Variants in HUNK observed in about 807,000 individuals in gnomAD.
HUNK encodes hormonally up-regulated neu tumor-associated kinase.
Under a neutral mutation model 61.0 loss-of-function variants are expected in HUNK, and 21 were observed. That is an observed-to-expected ratio of 0.34 (90% CI 0.24 to 0.50). The LOEUF (loss-of-function observed/expected upper bound fraction) is 0.50, where lower values mean the gene tolerates loss of function less well. HUNK is among the 20% of genes least tolerant of loss of function. The pLI is 0.98. For synonymous variants in HUNK, 371 were observed against 386.1 expected, an observed-to-expected ratio of 0.96 and a Z score of 0.46; for missense variants, 772 against 945.7, an observed-to-expected ratio of 0.82 and a Z score of 2.41.
chr21:31,941,102 T>C (rs2052765696), intron 3 of HUNK, among the ~76,000 whole-genome samples: 1 of 152,158 alleles, frequency 6.6e-6, no homozygotes, highest in South Asian at 2.1e-4. Flanking sequence ...TATTTTGGGA[T>C]TACAGTCAGC....
At chr21:31,950,114 GT>G (rs956541545) in intron 4 of HUNK, among the ~76,000 whole-genome samples, 1 of 152,132 alleles carries the variant, frequency 6.6e-6, no homozygotes, top group Non-Finnish European at 1.5e-5. Flanking sequence ...CTCTGGTGGG[GT>G]TTACATGCTA....
intron 3 of HUNK, among the ~76,000 whole-genome samples, chr21:31,944,157 G>C (rs563854325): frequency 2.1e-4 from 32 of 152,336 alleles, no homozygotes; most frequent in African/African-American, 7.7e-4. Flanking sequence ...TTGGCTCACT[G>C]CAACTTTTGC....
chr21:31,961,187 C>CT (rs1212010039), intron 5 of HUNK, among the ~76,000 whole-genome samples: 7 of 152,002 alleles, frequency 4.6e-5, no homozygotes, highest in African/African-American at 1.7e-4. Context: ...ATGTAAATCA[C>CT]TTTTTTTCCC....
chr21:31,880,389 A>G (rs1196851822), intron 1 of HUNK, among the ~76,000 whole-genome samples: 5 of 152,236 alleles, frequency 3.3e-5, no homozygotes, highest in Non-Finnish European at 7.3e-5. Flanking sequence ...GCTAGGATCC[A>G]AAACCAAGGT....
chr21:31,895,960 A>T (rs149801885), intron 1 of HUNK, among the ~76,000 whole-genome samples: 5 of 152,230 alleles, frequency 3.3e-5, no homozygotes, highest in African/African-American at 1.2e-4. Context: ...GAGGTAACTA[A>T]GGCGAAATGA....
At chr21:31,959,138 G>A (rs191962840) in intron 5 of HUNK, among the ~76,000 whole-genome samples, 168 bp downstream of exon 5, 5 of 152,218 alleles carry the variant, frequency 3.3e-5, no homozygotes, top group East Asian at 3.9e-4. Flanking sequence ...TGGGTTTCCC[G>A]TCTCTCAATG....
intron 5 of HUNK, among the ~76,000 whole-genome samples, chr21:31,961,409 T>C (rs1408187008): frequency 6.6e-6 from 1 of 152,202 alleles, no homozygotes; most frequent in Non-Finnish European, 1.5e-5. Flanking sequence ...CTGGGACAAA[T>C]GCCTAAGAGT....
intron 2 of HUNK, among the ~76,000 whole-genome samples, chr21:31,930,647 CA>C (rs1418559404): frequency 6.6e-6 from 1 of 152,230 alleles, no homozygotes; most frequent in African/African-American, 2.4e-5. Context: ...GTGCTCAGCC[CA>C]GTGGGCACAC....
chr21:31,889,210 C>T (rs971458370), intron 1 of HUNK, among the ~76,000 whole-genome samples: 6 of 152,172 alleles, frequency 3.9e-5, no homozygotes, highest in Non-Finnish European at 8.8e-5. Flanking sequence ...ATTATGCTGA[C>T]GATTTGGAGG....
chr21:31,925,175 A>T (rs1010724500), intron 2 of HUNK, among the ~76,000 whole-genome samples: 2 of 152,164 alleles, frequency 1.3e-5, no homozygotes, highest in African/African-American at 4.8e-5. Flanking sequence ...TGCCAGTGTG[A>T]GGGTTAAAAG....
At chr21:31,906,811 G>A (rs904864791) in intron 1 of HUNK, among the ~76,000 whole-genome samples, 1 of 152,136 alleles carries the variant, frequency 6.6e-6, no homozygotes, top group Admixed American at 6.5e-5. Flanking sequence ...TTTGCCCAAA[G>A]CCAGACAGCC....
chr21:31,915,740 G>C (rs1405404596), intron 1 of HUNK, among the ~76,000 whole-genome samples: 1 of 152,202 alleles, frequency 6.6e-6, no homozygotes, highest in Non-Finnish European at 1.5e-5. Context: ...TATGTAGACA[G>C]TCTCAGCTAA....
intron 1 of HUNK, among the ~76,000 whole-genome samples, chr21:31,880,059 C>G (rs370272597): frequency 8.5e-5 from 13 of 152,270 alleles, no homozygotes; most frequent in East Asian, 7.7e-4. Flanking sequence ...GAATAGTCCC[C>G]GAGGAGGGGG....
chr21:31,961,305 G>A (rs2052926683), intron 5 of HUNK, among the ~76,000 whole-genome samples: 1 of 152,066 alleles, frequency 6.6e-6, no homozygotes. Context: ...ACCCACTGAA[G>A]GACCGTTGAG....
intron 1 of HUNK, among the ~76,000 whole-genome samples, chr21:31,912,749 G>C (rs1054271059): frequency 1.3e-5 from 2 of 152,116 alleles, no homozygotes; most frequent in African/African-American, 4.8e-5. Flanking sequence ...TTCACTGTGT[G>C]GCCCAGACTG....
intron 7 of HUNK, among the ~76,000 whole-genome samples, chr21:31,975,530 G>T (rs986408665): frequency 6.6e-6 from 1 of 152,204 alleles, no homozygotes; most frequent in African/African-American, 2.4e-5. Flanking sequence ...ATTCAGAATT[G>T]CCAGGAAGCC....
intron 6 of HUNK, among the ~76,000 whole-genome samples, chr21:31,968,587 T>C (rs1232514718): frequency 6.6e-6 from 1 of 152,178 alleles, no homozygotes; most frequent in Non-Finnish European, 1.5e-5. Context: ...TTATGCCGTG[T>C]GCCCTGCAGG....
At chr21:31,923,976 AGTGTC>A (rs2052642329) in intron 1 of HUNK, among the ~76,000 whole-genome samples, 1 of 152,068 alleles carries the variant, frequency 6.6e-6, no homozygotes, top group Non-Finnish European at 1.5e-5. Context: ...ATCTTTGGGC[AGTGTC>A]CCCCAACCAT....
chr21:31,985,634 G>A (rs968771739), intron 8 of HUNK, among the ~76,000 whole-genome samples: 2 of 152,238 alleles, frequency 1.3e-5, no homozygotes, highest in African/African-American at 4.8e-5. Flanking sequence ...AGGGGGCGGG[G>A]CAGCCAGAAG....
Sources: allele counts gnomAD v4.1 joint callset (sites outside exome capture counted in the v4.1 genomes callset), GRCh38; gene constraint gnomAD v4.1.1; transcripts MANE v1.5; gene names NCBI Gene and HGNC (gene_info 2026-07-23, HGNC 2026-07-21).